ARK2N: variants seen among roughly 807,000 people sequenced by gnomAD.
ARK2N encodes the protein protein ARK2N.
chr18:46,198,679 A>C, the ARK2N span, among the ~76,000 whole-genome samples: 4 of 151,722 alleles, frequency 2.6e-5, no homozygotes, highest in Non-Finnish European at 4.4e-5. Context: ...GCTCACTGCA[A>C]CCTCCACCTC....
At chr18:46,221,279 C>G in the ARK2N span, among the ~76,000 whole-genome samples, 305 of 151,796 alleles carry the variant, frequency 2.0e-3, 1 homozygote, top group African/African-American at 7.2e-3. Flanking sequence ...GGTGTGGTGT[C>G]TCATGCCTGT....
chr18:46,223,109 ATAAG>A, the ARK2N span, among the ~76,000 whole-genome samples: 3 of 152,228 alleles, frequency 2.0e-5, no homozygotes, highest in Admixed American at 6.5e-5. Context: ...TCATTGAGAA[ATAAG>A]TAATGCGAGA....
the ARK2N span, chr18:46,228,856 G>A: frequency 3.3e-5 from 13 of 398,328 alleles, no homozygotes; most frequent in East Asian, 1.8e-4. Context: ...TGTGGGATTC[G>A]CACCTGGCCT....
At chr18:46,242,492 T>C in the ARK2N span, among the ~76,000 whole-genome samples, 429 of 152,326 alleles carry the variant, frequency 2.8e-3, 4 homozygotes, top group Non-Finnish European at 4.7e-3. Context: ...CTTAAGAAAC[T>C]ACAACCATTC....
chr18:46,228,003 A>G, the ARK2N span, among the ~76,000 whole-genome samples: 5 of 152,214 alleles, frequency 3.3e-5, no homozygotes, highest in African/African-American at 9.6e-5. Context: ...TAATGTTAGT[A>G]TGATTTTTCA....
At chr18:46,202,736 A>C in the ARK2N span, among the ~76,000 whole-genome samples, 1 of 151,668 alleles carries the variant, frequency 6.6e-6, no homozygotes, top group East Asian at 1.9e-4. Flanking sequence ...TGCAGTGAGC[A>C]GAGATCGCTC....
the ARK2N span, among the ~76,000 whole-genome samples, chr18:46,175,143 C>T: frequency 1.4e-5 from 2 of 146,024 alleles, no homozygotes; most frequent in Admixed American, 7.0e-5. Context: ...TCCCCGGCAG[C>T]CCCCATCACA....
the ARK2N span, among the ~76,000 whole-genome samples, chr18:46,210,642 G>A: frequency 2.0e-5 from 3 of 152,160 alleles, no homozygotes; most frequent in Non-Finnish European, 4.4e-5. Flanking sequence ...AGGTATTGTG[G>A]CTCACACCTG....
At chr18:46,249,384 C>T in the ARK2N span, among the ~76,000 whole-genome samples, 1 of 152,140 alleles carries the variant, frequency 6.6e-6, no homozygotes, top group East Asian at 1.9e-4. Context: ...CGCCCGCCAC[C>T]ACGCCCGGCT....
chr18:46,202,626 A>G, the ARK2N span, among the ~76,000 whole-genome samples: 1 of 152,126 alleles, frequency 6.6e-6, no homozygotes, highest in African/African-American at 2.4e-5. Context: ...CGTCTCTACT[A>G]AAAATACAAA....
At chr18:46,208,314 T>C in the ARK2N span, among the ~76,000 whole-genome samples, 4,351 of 152,252 alleles carry the variant, frequency 0.029, 192 homozygotes, top group African/African-American at 0.099. Context: ...ATACACAGGT[T>C]CTTATAATGT....
the ARK2N span, among the ~76,000 whole-genome samples, chr18:46,203,877 G>A: frequency 2.0e-5 from 3 of 152,070 alleles, no homozygotes; most frequent in Admixed American, 6.6e-5. Flanking sequence ...GTGAGCCACC[G>A]CAACCCCCAA....
At chr18:46,230,317 A>G in the ARK2N span, among the ~76,000 whole-genome samples, 1 of 152,230 alleles carries the variant, frequency 6.6e-6, no homozygotes, top group Admixed American at 6.5e-5. Flanking sequence ...TCAAGATTAC[A>G]TGTATAGTAC....
the ARK2N span, among the ~76,000 whole-genome samples, chr18:46,211,442 A>AG: frequency 3.9e-5 from 6 of 152,146 alleles, 1 homozygote; most frequent in South Asian, 1.2e-3. Flanking sequence ...GTTTGATAGA[A>AG]GGAGATGTCA....
At chr18:46,221,676 T>G in the ARK2N span, among the ~76,000 whole-genome samples, 1 of 152,248 alleles carries the variant, frequency 6.6e-6, no homozygotes, top group African/African-American at 2.4e-5. Flanking sequence ...TTGCACATTT[T>G]TCTTCTGACG....
At chr18:46,225,778 C>G in the ARK2N span, among the ~76,000 whole-genome samples, 1 of 151,960 alleles carries the variant, frequency 6.6e-6, no homozygotes, top group Non-Finnish European at 1.5e-5. Context: ...GTTTTAAAAG[C>G]TGCAGTAGTA....
At chr18:46,249,454 G>C in the ARK2N span, among the ~76,000 whole-genome samples, 1 of 150,758 alleles carries the variant, frequency 6.6e-6, no homozygotes, top group African/African-American at 2.4e-5. Flanking sequence ...GAATGGTCTC[G>C]ATCTCCTGAC....
the ARK2N span, among the ~76,000 whole-genome samples, chr18:46,224,897 T>C: frequency 5.9e-5 from 9 of 152,228 alleles, no homozygotes; most frequent in African/African-American, 2.2e-4. Context: ...GAAGCAATAA[T>C]GTTTTATGAA....
At chr18:46,200,036 G>C in the ARK2N span, among the ~76,000 whole-genome samples, 6 of 151,926 alleles carry the variant, frequency 3.9e-5, no homozygotes, top group Non-Finnish European at 7.4e-5. Flanking sequence ...GCCAGCATCA[G>C]ATGCAGATAG....
Sources: allele counts gnomAD v4.1 joint callset (sites outside exome capture counted in the v4.1 genomes callset), GRCh38; gene constraint gnomAD v4.1.1; transcripts MANE v1.5; gene names NCBI Gene and HGNC (gene_info 2026-07-23, HGNC 2026-07-21).